RPL39L: variants seen among roughly 807,000 people sequenced by gnomAD.
The protein encoded by RPL39L is ribosomal protein L39 like, also known as ribosomal protein eL39-like 2.
For missense variants in RPL39L, 48 were observed against 58.9 expected, an observed-to-expected ratio of 0.81 and a Z score of 0.61; for synonymous variants, 16 against 20.1, an observed-to-expected ratio of 0.80 and a Z score of 0.55.
At chr3:187,136,854 T>G (rs1358950599) in intron 1 of RPL39L, among the ~76,000 whole-genome samples, 1 of 152,162 alleles carries the variant, frequency 6.6e-6, no homozygotes, top group Non-Finnish European at 1.5e-5. Context: ...CTGATTTATT[T>G]AAAATACCAT....
chr3:187,127,691 C>T (rs1023306631), intron 2 of RPL39L, among the ~76,000 whole-genome samples: 2 of 152,116 alleles, frequency 1.3e-5, no homozygotes, highest in East Asian at 3.8e-4. Context: ...TAATCAGTGC[C>T]TAAAGTATAA....
At chr3:187,134,619 C>T (rs953596990) in intron 1 of RPL39L, among the ~76,000 whole-genome samples, 7 of 152,074 alleles carry the variant, frequency 4.6e-5, no homozygotes, top group African/African-American at 1.7e-4. Context: ...TCAACTTAGT[C>T]ATCGAAGTCT....
At chr3:187,128,410 T>C (rs1281641331) in intron 1 of RPL39L, among the ~76,000 whole-genome samples, 2 of 152,178 alleles carry the variant, frequency 1.3e-5, no homozygotes, top group Admixed American at 1.3e-4. Flanking sequence ...AACAGTAATA[T>C]TTGCCATTTT....
chr3:187,121,388 A>G, intron 2 of RPL39L, 60 bp from the exon 3 acceptor site: 1 of 1,471,332 alleles, frequency 6.8e-7, no homozygotes, highest in Non-Finnish European at 9.3e-7. Flanking sequence ...AGGATAAGGT[A>G]ACATGAAGAA....
chr3:187,134,159 C>G (rs1422397206), intron 1 of RPL39L, among the ~76,000 whole-genome samples: 1 of 151,838 alleles, frequency 6.6e-6, no homozygotes, highest in Non-Finnish European at 1.5e-5. Context: ...AAATAGACAG[C>G]AACATGAATG....
intron 2 of RPL39L, among the ~76,000 whole-genome samples, chr3:187,121,682 T>C (rs1346657452): frequency 6.6e-6 from 1 of 152,168 alleles, no homozygotes; most frequent in Admixed American, 6.5e-5. Context: ...TACCAGTTCA[T>C]TACAGAAAAA....
chr3:187,133,777 C>T lies in RPL39L; in HGVS notation c.-93+5436G>A, dbSNP rs376736338. ...GGATATTGAGAAAATCCCTCTAGCA[C>T]GCTACCCTAAGCAAAAGGTAATATT... is the stretch of plus-strand genomic sequence containing the variant. On this transcript the variant is annotated intron_variant, in intron 1 of 2. Coordinates refer to ENST00000296277, the MANE Select transcript of RPL39L (RefSeq NM_052969.3). 4.6e-5 allele frequency among the ~76,000 whole-genome samples: 7 copies of T among 152,180 alleles called. No homozygotes were observed. In the East Asian group the frequency reaches 1.2e-3, roughly 25 times the overall value.
intron 2 of RPL39L, among the ~76,000 whole-genome samples, chr3:187,123,309 C>T (rs557828694): frequency 1.3e-5 from 2 of 152,222 alleles, no homozygotes; most frequent in Non-Finnish European, 2.9e-5. Flanking sequence ...GAAAACTAAG[C>T]CGCAAGTATC....
intron 1 of RPL39L, among the ~76,000 whole-genome samples, chr3:187,129,698 G>A (rs1720454690): frequency 6.6e-6 from 1 of 152,112 alleles, no homozygotes; most frequent in South Asian, 2.1e-4. Context: ...TCTACAAATT[G>A]TACTGGATTA....
rs557634298 is a variant in RPL39L, at chr3:187,133,162, G to A, written c.-92-5100C>T. On this transcript the variant is annotated intron_variant, in intron 1 of 2. Coordinates refer to ENST00000296277, the MANE Select transcript of RPL39L (RefSeq NM_052969.3). Reference sequence around the variant, plus strand: ...AGACTTGGGACAAGGCAGGAGACTAGAGAGAGCCTCCTCGGTGGTGAAGAT... The same window carrying A: ...AGACTTGGGACAAGGCAGGAGACTAAAGAGAGCCTCCTCGGTGGTGAAGAT... Among the ~76,000 whole-genome samples the A allele has an allele frequency of 4.9e-4, 74 of 152,302 alleles. 1 individual carries two copies. The South Asian group carries it at 7.3e-3, about 15-fold the overall frequency.
chr3:187,127,326 G>A (rs1720414572), intron 2 of RPL39L, among the ~76,000 whole-genome samples: 1 of 152,106 alleles, frequency 6.6e-6, no homozygotes, highest in Non-Finnish European at 1.5e-5. Flanking sequence ...TCAGAGAATG[G>A]ACCCAAGAAT....
intron 1 of RPL39L, among the ~76,000 whole-genome samples, chr3:187,137,198 CAAAAAAAAAAAAAAAAA>C (rs33967617): frequency 2.7e-5 from 1 of 37,626 alleles, no homozygotes; most frequent in Non-Finnish European, 5.1e-5. Flanking sequence ...CACTCTTCCT[CAAAAAAAAAAAAAAAAA>C]AAAAAAAAAG....
intron 1 of RPL39L, among the ~76,000 whole-genome samples, chr3:187,133,825 G>A (rs1472523923): frequency 6.6e-6 from 1 of 152,254 alleles, no homozygotes; most frequent in African/African-American, 2.4e-5. Context: ...ACCTGGTAGT[G>A]TACTGAAGAT....
intron 1 of RPL39L, among the ~76,000 whole-genome samples, chr3:187,132,095 T>C (rs1205021984): frequency 6.6e-6 from 1 of 152,166 alleles, no homozygotes; most frequent in Non-Finnish European, 1.5e-5. Context: ...TTAGTTATGG[T>C]TGCAGGGGTC....
At chr3:187,137,063 TG>T (rs1204385036) in intron 1 of RPL39L, among the ~76,000 whole-genome samples, 1 of 151,716 alleles carries the variant, frequency 6.6e-6, no homozygotes, top group Non-Finnish European at 1.5e-5. Context: ...AAAAATTAGC[TG>T]GGCATGGTGG....
chr3:187,133,324 GAC>G (rs1720517453), intron 1 of RPL39L, among the ~76,000 whole-genome samples: 2 of 152,234 alleles, frequency 1.3e-5, no homozygotes, highest in African/African-American at 4.8e-5. Context: ...CTGTTCTTGT[GAC>G]AGTGAGGGAG....
chr3:187,131,935 A>G (rs896341727), intron 1 of RPL39L, among the ~76,000 whole-genome samples: 2 of 152,228 alleles, frequency 1.3e-5, no homozygotes, highest in African/African-American at 2.4e-5. Flanking sequence ...TAATAGGAAG[A>G]TATCACATAC....
chr3:187,133,062 G>A (rs1720512838), intron 1 of RPL39L, among the ~76,000 whole-genome samples: 1 of 152,204 alleles, frequency 6.6e-6, no homozygotes, highest in Admixed American at 6.5e-5. Flanking sequence ...AAACCCCTGG[G>A]AGCCTCAGAC....
intron 1 of RPL39L, among the ~76,000 whole-genome samples, chr3:187,135,380 C>T (rs1203907900): frequency 3.9e-5 from 6 of 152,114 alleles, no homozygotes; most frequent in African/African-American, 7.2e-5. Flanking sequence ...ATCATGAGGG[C>T]GGGTCTTTCC....
Sources: allele counts gnomAD v4.1 joint callset (sites outside exome capture counted in the v4.1 genomes callset), GRCh38; gene constraint gnomAD v4.1.1; transcripts MANE v1.5; gene names NCBI Gene and HGNC (gene_info 2026-07-23, HGNC 2026-07-21).